PHACTR1: variants seen among roughly 807,000 people sequenced by gnomAD.
The protein encoded by PHACTR1 is RPEL repeat containing 1.
PHACTR1 carries 16 observed loss-of-function variants against 69.2 expected under a neutral mutation model. The observed-to-expected ratio is 0.23, with a 90% CI of 0.16 to 0.35. PHACTR1 has a LOEUF of 0.35. PHACTR1 is among the 10% of genes least tolerant of loss of function. The pLI, the probability that PHACTR1 is intolerant of heterozygous loss-of-function variation, is 1.00. For missense variants in PHACTR1, 510 were observed against 734.7 expected (o/e 0.69, Z 3.54); for synonymous variants, 312 against 284.5 (o/e 1.10, Z -0.97).
chr6:12,804,537 A>G (rs1299158392), intron 4 of PHACTR1, among the ~76,000 whole-genome samples: 1 of 152,120 alleles, frequency 6.6e-6, no homozygotes, highest in East Asian at 1.9e-4. Flanking sequence ...ATTAAATATT[A>G]TTTTATCAGG....
At chr6:12,940,738 G>C (rs946020180) in intron 4 of PHACTR1, among the ~76,000 whole-genome samples, 1 of 152,178 alleles carries the variant, frequency 6.6e-6, no homozygotes, top group Non-Finnish European at 1.5e-5. Context: ...TCTGAGTGCT[G>C]TGCTGCTCAT....
At position 12,871,408 on chromosome 6, in the gene PHACTR1, C is replaced by T. The variant is rs1289941667; in HGVS notation, c.250+121618C>T. ...TAATCATGATCCTAAAAGAGATGCT[C>T]ACATTGCGTTTGACTTATAAGCTTT... On this transcript the variant is annotated intron_variant, in intron 4 of 14. Transcript: ENST00000332995. 4.6e-5 allele frequency among the ~76,000 whole-genome samples: 7 copies of T among 152,276 alleles called. No homozygotes were observed. In the East Asian group the frequency reaches 1.2e-3, roughly 25 times the overall value.
chr6:13,053,593 C>T, intron 5 of PHACTR1, 64 bp downstream of exon 5: 1 of 1,538,896 alleles, frequency 6.5e-7, no homozygotes, highest in Non-Finnish European at 8.8e-7. Context: ...ATTATCTTAA[C>T]AGAATTTAAT....
At chr6:12,881,087 G>C (rs769819547) in intron 4 of PHACTR1, among the ~76,000 whole-genome samples, 2 of 152,214 alleles carry the variant, frequency 1.3e-5, no homozygotes, top group Non-Finnish European at 2.9e-5. Flanking sequence ...ACAGTGCCAG[G>C]AATAGCGTAA....
intron 10 of PHACTR1, among the ~76,000 whole-genome samples, chr6:13,271,298 C>T (rs967700840): frequency 1.4e-4 from 21 of 152,122 alleles, no homozygotes; most frequent in African/African-American, 5.1e-4. Flanking sequence ...GCACCTTGCA[C>T]CAGGCCTCCC....
intron 9 of PHACTR1, among the ~76,000 whole-genome samples, chr6:13,229,242 G>A (rs1271187812): frequency 6.6e-6 from 1 of 152,210 alleles, no homozygotes; most frequent in East Asian, 1.9e-4. Context: ...GATGTTTACA[G>A]GCATCCCTGG....
intron 4 of PHACTR1, among the ~76,000 whole-genome samples, chr6:12,906,183 C>T (rs1016086146): frequency 4.9e-5 from 5 of 101,824 alleles, no homozygotes; most frequent in African/African-American, 1.3e-4. Flanking sequence ...GTTAGAATGA[C>T]TTAAAAATAT....
At chr6:13,144,770 CAGAAAA>C (rs1561895345) in intron 5 of PHACTR1, among the ~76,000 whole-genome samples, 2 of 17,372 alleles carry the variant, frequency 1.2e-4, no homozygotes. Flanking sequence ...GACCCTGTCT[CAGAAAA>C]AAAAAAAAAA....
intron 4 of PHACTR1, among the ~76,000 whole-genome samples, chr6:12,911,844 C>T (rs1179568953): frequency 6.6e-6 from 1 of 152,154 alleles, no homozygotes. Context: ...TTCTCCACCA[C>T]CAACTGTGAA....
At chr6:13,281,248 G>T in intron 12 of PHACTR1, 1 of 699,868 alleles carries the variant, frequency 1.4e-6, no homozygotes, top group Non-Finnish European at 2.0e-6. Flanking sequence ...CACATCATGG[G>T]TGCACTCAGA....
At chr6:13,207,880 G>A (rs1027701985) in intron 8 of PHACTR1, among the ~76,000 whole-genome samples, 17 of 152,050 alleles carry the variant, frequency 1.1e-4, no homozygotes, top group African/African-American at 4.1e-4. Flanking sequence ...GCTTCGGGTT[G>A]TGTTTTCCTG....
intron 4 of PHACTR1, among the ~76,000 whole-genome samples, chr6:12,920,337 A>G (rs1466111697): frequency 6.6e-6 from 1 of 152,256 alleles, no homozygotes; most frequent in Non-Finnish European, 1.5e-5. Flanking sequence ...CTTAAAATCC[A>G]CATGGATGGA....
At chr6:13,134,020 G>A (rs1182205349) in intron 5 of PHACTR1, among the ~76,000 whole-genome samples, 2 of 151,044 alleles carry the variant, frequency 1.3e-5, no homozygotes, top group African/African-American at 4.9e-5. Flanking sequence ...GTCTCTGCCC[G>A]ACCACCACCC....
chr6:12,722,610 TC>T (rs1762266050), intron 3 of PHACTR1, among the ~76,000 whole-genome samples: 1 of 152,228 alleles, frequency 6.6e-6, no homozygotes, highest in African/African-American at 2.4e-5. Flanking sequence ...CTTTTGGAAT[TC>T]CCTGAGATTT....
chr6:12,893,448 C>G (rs1784346902), intron 4 of PHACTR1, among the ~76,000 whole-genome samples: 1 of 152,188 alleles, frequency 6.6e-6, no homozygotes, highest in Admixed American at 6.5e-5. Context: ...CATTCATAAA[C>G]TGGAAAGCGA....
intron 4 of PHACTR1, among the ~76,000 whole-genome samples, chr6:12,830,137 G>GAAAGAAAGAAAGA (rs1777364653): frequency 1.8e-5 from 2 of 111,932 alleles, no homozygotes; most frequent in Non-Finnish European, 4.1e-5. Flanking sequence ...AAGAAAGAAA[G>GAAAGAAAGAAAGA]AAAGAAAGAA....
intron 12 of PHACTR1, among the ~76,000 whole-genome samples, chr6:13,281,876 A>C (rs1388502291): frequency 6.6e-6 from 1 of 152,176 alleles, no homozygotes; most frequent in East Asian, 1.9e-4. Flanking sequence ...AAGAAAGCCA[A>C]GGGAGGCCTA....
At chr6:12,734,620 A>G (rs1764002743) in intron 3 of PHACTR1, among the ~76,000 whole-genome samples, 1 of 152,222 alleles carries the variant, frequency 6.6e-6, no homozygotes, top group Admixed American at 6.5e-5. Flanking sequence ...TTATTTTGTT[A>G]ATATATTCAT....
intron 4 of PHACTR1, among the ~76,000 whole-genome samples, chr6:12,922,900 A>T (rs1211645599): frequency 6.6e-6 from 1 of 152,172 alleles, no homozygotes; most frequent in Non-Finnish European, 1.5e-5. Context: ...ACCTCCTCCC[A>T]CAACCCACCC....
Sources: gnomAD v4.1 joint callset for allele counts (sites outside exome capture counted in the v4.1 genomes callset) on GRCh38, gnomAD v4.1.1 for gene constraint, MANE v1.5 for transcripts, NCBI Gene and HGNC (gene_info 2026-07-23, HGNC 2026-07-21) for gene names.